Variants in FCHSD2 observed in about 807,000 individuals in gnomAD.
The protein encoded by FCHSD2 is F-BAR and double SH3 domains protein 2.
A neutral mutation model predicts 108.1 loss-of-function variants in FCHSD2; 38 were observed. That is an observed-to-expected ratio of 0.35 (90% confidence interval 0.27 to 0.46). The LOEUF is 0.46. Ranked by LOEUF, FCHSD2 falls within the 20% of genes least tolerant of loss-of-function variation. The probability of loss-of-function intolerance (pLI) is 1.00; values close to 1 mark genes in which losing one functional copy is unlikely to be tolerated. For synonymous variants in FCHSD2, 279 were observed against 314.7 expected, an observed-to-expected ratio of 0.89 and a Z score of 1.20; for missense variants, 751 against 897.8, an observed-to-expected ratio of 0.84 and a Z score of 2.09.
At chr11:73,129,471 C>T (rs1189573429) in intron 2 of FCHSD2, among the ~76,000 whole-genome samples, 6 of 152,140 alleles carry the variant, frequency 3.9e-5, no homozygotes, top group African/African-American at 1.4e-4. Context: ...TCTCATGGCA[C>T]GAACCCTATT....
At chr11:72,909,456 C>T (rs1855704701) in intron 9 of FCHSD2, among the ~76,000 whole-genome samples, 2 of 152,218 alleles carry the variant, frequency 1.3e-5, no homozygotes, top group African/African-American at 4.8e-5. Flanking sequence ...CCAGCCGCCA[C>T]CCCATCTAGG....
chr11:72,900,344 T>A, intron 10 of FCHSD2: 1 of 1,538,388 alleles, frequency 6.5e-7, no homozygotes, highest in Non-Finnish European at 8.8e-7. Context: ...CAGTAAAGAT[T>A]GCACAAGGAC....
At chr11:73,056,706 G>A (rs994154370) in intron 3 of FCHSD2, among the ~76,000 whole-genome samples, 5 of 152,142 alleles carry the variant, frequency 3.3e-5, no homozygotes. Flanking sequence ...TAAGTCATAT[G>A]ACAGAAACAA....
chr11:73,033,247 C>T (rs1026428046), intron 3 of FCHSD2, among the ~76,000 whole-genome samples: 3 of 149,928 alleles, frequency 2.0e-5, no homozygotes, highest in African/African-American at 7.4e-5. Flanking sequence ...GAGATCGCGC[C>T]ACTGCACTCC....
intron 2 of FCHSD2, among the ~76,000 whole-genome samples, chr11:73,108,841 G>C (rs1860412767): frequency 1.3e-5 from 2 of 152,176 alleles, no homozygotes; most frequent in African/African-American, 4.8e-5. Flanking sequence ...AAAGTGCTGG[G>C]ATTACAGGCG....
chr11:72,943,295 G>A (rs2135345222), intron 8 of FCHSD2, among the ~76,000 whole-genome samples: 1 of 152,244 alleles, frequency 6.6e-6, no homozygotes, highest in Admixed American at 6.5e-5. Context: ...GCCCAGCCCT[G>A]ACTTTTATAT....
rs575616958 is a variant in FCHSD2, at chr11:72,836,932, T to C, written c.*1859A>G. 3.3e-5 allele frequency: 5 copies of C among 152,692 alleles called. No homozygotes were observed. The highest frequency in any genetic ancestry group is 6.5e-5 in the Admixed American group (1 of 15,288). 9.5% of individuals were successfully genotyped at this position (152,692 alleles called of 1,614,324 possible). A position where few individuals can be genotyped will look rare whatever the true frequency, so the allele number is the denominator to read the frequency against. On this transcript the variant is annotated 3_prime_UTR_variant, in exon 20 of 20. Transcript: ENST00000409418. ...AAGGAGGCATGTTTTCACAACTTTG[T>C]TTTTTAAAATAAAATTAGCAGCTCT...
intron 3 of FCHSD2, among the ~76,000 whole-genome samples, chr11:73,048,848 T>TCG (rs1429677495): frequency 6.6e-6 from 1 of 152,116 alleles, no homozygotes; most frequent in Non-Finnish European, 1.5e-5. Context: ...TACCATAAAC[T>TCG]CTAAGAAAAA....
At chr11:72,980,806 T>C (rs1486995914) in intron 8 of FCHSD2, among the ~76,000 whole-genome samples, 1 of 151,854 alleles carries the variant, frequency 6.6e-6, no homozygotes, top group Non-Finnish European at 1.5e-5. Context: ...ATTGAGCTCT[T>C]TGAGGATAAG....
At chr11:72,976,651 T>G (rs907109522) in intron 8 of FCHSD2, among the ~76,000 whole-genome samples, 25 of 152,182 alleles carry the variant, frequency 1.6e-4, no homozygotes, top group African/African-American at 5.5e-4. Flanking sequence ...AACTTCAAAT[T>G]ATACTACAGA....
At chr11:72,892,585 T>C (rs187867615) in intron 10 of FCHSD2, among the ~76,000 whole-genome samples, 1 of 152,050 alleles carries the variant, frequency 6.6e-6, no homozygotes, top group Non-Finnish European at 1.5e-5. Flanking sequence ...TAGATAATTA[T>C]GTTTTTGTGT....
intron 2 of FCHSD2, 81 bp downstream of exon 2, chr11:73,139,950 A>T: frequency 1.4e-6 from 1 of 718,180 alleles, no homozygotes; most frequent in Non-Finnish European, 2.2e-6. Context: ...AAATTCCATC[A>T]TCAGTTCCTG....
At position 72,889,327 on chromosome 11, in the gene FCHSD2, T is replaced by C. The variant is rs562271861; in HGVS notation, c.1041+502A>G. Among the ~76,000 whole-genome samples the C allele has an allele frequency of 6.0e-4, 91 of 152,328 alleles. 1 individual carries two copies. In the South Asian group the frequency reaches 0.018, roughly 31 times the overall value. ...CTTATATTAATTCAACATATGTCTC[T>C]TCCCCTGCCCATAATACACTATCAC... On this transcript the variant is annotated intron_variant, in intron 11 of 19. Coordinates refer to ENST00000409418, the MANE Select transcript of FCHSD2 (RefSeq NM_014824.3).
intron 4 of FCHSD2, among the ~76,000 whole-genome samples, chr11:73,012,298 T>C (rs1262846828): frequency 6.6e-6 from 1 of 152,144 alleles, no homozygotes; most frequent in Non-Finnish European, 1.5e-5. Context: ...TATATAATAA[T>C]TGCAGTTCTG....
At chr11:72,983,090 C>A (rs965357433) in intron 8 of FCHSD2, among the ~76,000 whole-genome samples, 1 of 151,734 alleles carries the variant, frequency 6.6e-6, no homozygotes, top group African/African-American at 2.4e-5. Flanking sequence ...GTCAGGAGAT[C>A]GAGACCATCC....
intron 12 of FCHSD2, 47 bp from the exon 13 acceptor site, chr11:72,868,073 C>T (rs1854769441): frequency 2.0e-6 from 3 of 1,523,186 alleles, no homozygotes; most frequent in African/African-American, 2.8e-5. Context: ...TTATTATTCA[C>T]AATAGCAAAG....
intron 14 of FCHSD2, among the ~76,000 whole-genome samples, chr11:72,846,823 T>C (rs1344144965): frequency 6.6e-6 from 1 of 152,182 alleles, no homozygotes; most frequent in Admixed American, 6.5e-5. Context: ...GCTCTTACGG[T>C]ACATACAATT....
At chr11:72,940,709 GA>G in intron 8 of FCHSD2, 2 of 1,002,046 alleles carry the variant, frequency 2.0e-6, no homozygotes. Flanking sequence ...CGTGGTGGCA[GA>G]AAACGCCCAG....
chr11:72,902,970 A>G (rs1253627441), intron 9 of FCHSD2, among the ~76,000 whole-genome samples: 2 of 152,200 alleles, frequency 1.3e-5, no homozygotes, highest in Non-Finnish European at 2.9e-5. Flanking sequence ...TGTGCAGATA[A>G]GGAAACACAT....
Sources: gnomAD v4.1 joint callset for allele counts (sites outside exome capture counted in the v4.1 genomes callset) on GRCh38, gnomAD v4.1.1 for gene constraint, MANE v1.5 for transcripts, NCBI Gene and HGNC (gene_info 2026-07-23, HGNC 2026-07-21) for gene names.